MIGA1: variants seen among roughly 807,000 people sequenced by gnomAD.
MIGA1 encodes the protein family with sequence similarity 73, member A.
In MIGA1, 58 loss-of-function variants were observed where a neutral mutation model predicts 82.0. The ratio of observed to expected loss-of-function variants is 0.71; its 90% CI spans 0.57 to 0.88. The LOEUF (loss-of-function observed/expected upper bound fraction) is 0.88, where lower values mean the gene tolerates loss of function less well. Among genes scored for constraint, MIGA1 ranks in the 40% least tolerant of loss-of-function variants. The pLI is 0.00. For missense variants in MIGA1, 751 were observed against 749.1 expected (o/e 1.00, Z -0.03); for synonymous variants, 249 against 253.6 (o/e 0.98, Z 0.17).
At chr1:77,840,655 A>G (rs1684595609) in intron 7 of MIGA1, among the ~76,000 whole-genome samples, 1 of 152,122 alleles carries the variant, frequency 6.6e-6, no homozygotes, top group African/African-American at 2.4e-5. Flanking sequence ...TCTACTAAAA[A>G]TACAAAATTA....
intron 8 of MIGA1, among the ~76,000 whole-genome samples, chr1:77,851,160 C>T (rs773861271): frequency 5.9e-5 from 9 of 152,128 alleles, no homozygotes; most frequent in East Asian, 1.9e-4. Context: ...CATGAGCCAC[C>T]GCGCCGGGCC....
chr1:77,838,384 C>G (rs1684508296), intron 7 of MIGA1, among the ~76,000 whole-genome samples: 1 of 151,902 alleles, frequency 6.6e-6, no homozygotes, highest in South Asian at 2.1e-4. Flanking sequence ...GAGTCTCACT[C>G]TGTCACCCAG....
In MIGA1 at chr1:77,876,179, A is replaced by C. The variant is rs536111547; in HGVS notation, c.*1115A>C. The stretch of plus-strand genomic sequence containing the variant: ...AAATTAATTAGTTGGGTGTGGTGGC[A>C]TGTGTCTGTGGTCCCAGCTACTTGG... On this transcript the variant is annotated 3_prime_UTR_variant, in exon 16 of 16. Coordinates refer to ENST00000370791, the MANE Select transcript of MIGA1 (RefSeq NM_198549.4). The C allele has an allele frequency of 6.6e-6, 1 of 152,008 alleles. No individual in the cohort carries two copies. The highest frequency in any genetic ancestry group is 6.6e-5 in the Admixed American group (1 of 15,238). The allele number at this position is 152,008 out of a possible 1,614,324, so 9.4% of individuals were successfully genotyped here.
chr1:77,782,948 A>G (rs979681744), intron 1 of MIGA1: 3 of 854,802 alleles, frequency 3.5e-6, no homozygotes, highest in Non-Finnish European at 4.2e-6. Flanking sequence ...GAGAGAATCT[A>G]GAACTCGCAA....
At chr1:77,802,608 A>C (rs1682929881) in intron 3 of MIGA1, among the ~76,000 whole-genome samples, 1 of 152,130 alleles carries the variant, frequency 6.6e-6, no homozygotes, top group African/African-American at 2.4e-5. Flanking sequence ...CCACATCTTT[A>C]CAAAAATAAC....
At chr1:77,791,261 A>AC (rs1349523684) in intron 2 of MIGA1, among the ~76,000 whole-genome samples, 2 of 141,760 alleles carry the variant, frequency 1.4e-5, no homozygotes, top group African/African-American at 5.2e-5. Context: ...AAAAAAAAAA[A>AC]AAAACAAAAA....
chr1:77,802,645 G>T (rs539576653), intron 3 of MIGA1, among the ~76,000 whole-genome samples: 90 of 152,118 alleles, frequency 5.9e-4, no homozygotes, highest in African/African-American at 2.1e-3. Flanking sequence ...TTTTTGGTGT[G>T]GTGGCACAGC....
At chr1:77,858,617 T>TTTTTG (rs900328170) in intron 8 of MIGA1, among the ~76,000 whole-genome samples, 2 of 152,092 alleles carry the variant, frequency 1.3e-5, no homozygotes, top group African/African-American at 2.4e-5. Context: ...GTTTTCTGGG[T>TTTTTG]TTTTGTTTTG....
rs981348723 is a variant in MIGA1 at position 77,875,837 on chromosome 1, A to T, written c.*773A>T. On this transcript the variant is annotated 3_prime_UTR_variant, in exon 16 of 16. Transcript: ENST00000370791. ...TCCATGGAAATATTAAAATTTTTTT[A>T]AAAAATAAAAATAGGCTGGGTGTGG... The T allele has an allele frequency of 2.0e-5, 3 of 152,150 alleles. No homozygotes were observed. Among genetic ancestry groups the T allele is most frequent in the South Asian group, 2.1e-4 (1 of 4,830 alleles). 9.4% of individuals were successfully genotyped at this position (152,150 alleles called of 1,614,324 possible). A position where few individuals can be genotyped will look rare whatever the true frequency, so the allele number is the denominator to read the frequency against.
chr1:77,859,667 C>T, intron 10 of MIGA1: 2 of 398,874 alleles, frequency 5.0e-6, no homozygotes, highest in Non-Finnish European at 8.9e-6. Flanking sequence ...AAAATAAAAA[C>T]ACTCTTTCTT....
chr1:77,829,859 C>T (rs1684177533), intron 7 of MIGA1, among the ~76,000 whole-genome samples: 1 of 151,922 alleles, frequency 6.6e-6, no homozygotes, highest in Admixed American at 6.5e-5. Context: ...ATAATATATT[C>T]TTTTCTGACT....
intron 7 of MIGA1, among the ~76,000 whole-genome samples, chr1:77,824,983 CTTTTTTTTTT>C (rs11375207): frequency 0.047 from 4,818 of 103,182 alleles, 118 homozygotes; most frequent in Middle Eastern, 0.069. Context: ...TTCTATTCCT[CTTTTTTTTTT>C]TTTTTTTTTT....
At chr1:77,781,279 C>T (rs1224020503) in intron 1 of MIGA1, among the ~76,000 whole-genome samples, 1 of 152,120 alleles carries the variant, frequency 6.6e-6, no homozygotes, top group East Asian at 1.9e-4. Flanking sequence ...TCTTTCTATT[C>T]TGCTTAAAAA....
chr1:77,822,023 A>C (rs1277262541), intron 7 of MIGA1, among the ~76,000 whole-genome samples: 5 of 152,122 alleles, frequency 3.3e-5, no homozygotes, highest in Admixed American at 3.3e-4. Context: ...CTAGAACTTA[A>C]ATCTTACCTT....
At chr1:77,822,655 A>G (rs1409769705) in intron 7 of MIGA1, among the ~76,000 whole-genome samples, 1 of 152,120 alleles carries the variant, frequency 6.6e-6, no homozygotes, top group East Asian at 1.9e-4. Context: ...TTGGAAGGCT[A>G]ATGTGTCAGA....
intron 2 of MIGA1, among the ~76,000 whole-genome samples, chr1:77,788,364 C>G (rs1412730994): frequency 6.6e-6 from 1 of 152,168 alleles, no homozygotes; most frequent in African/African-American, 2.4e-5. Context: ...GTCTCGAACT[C>G]CTGACCTTAA....
intron 7 of MIGA1, among the ~76,000 whole-genome samples, chr1:77,828,444 A>G (rs1557915500): frequency 6.6e-6 from 1 of 152,212 alleles, no homozygotes; most frequent in Non-Finnish European, 1.5e-5. Context: ...AATGATAGAT[A>G]TTTGGATGGA....
intron 2 of MIGA1, among the ~76,000 whole-genome samples, chr1:77,788,432 C>G (rs1399135965): frequency 6.6e-6 from 1 of 152,206 alleles, no homozygotes; most frequent in Admixed American, 6.5e-5. Context: ...ACCACGGTGC[C>G]CAACCCTGTG....
At chr1:77,836,541 G>A (rs1017116082) in intron 7 of MIGA1, among the ~76,000 whole-genome samples, 1 of 152,166 alleles carries the variant, frequency 6.6e-6, no homozygotes, top group African/African-American at 2.4e-5. Flanking sequence ...AATGCGTTTG[G>A]TAATGATAGT....
Sources: gnomAD v4.1 joint callset for allele counts (sites outside exome capture counted in the v4.1 genomes callset) on GRCh38, gnomAD v4.1.1 for gene constraint, MANE v1.5 for transcripts, NCBI Gene and HGNC (gene_info 2026-07-23, HGNC 2026-07-21) for gene names.